Variants in TBC1D22B observed in about 807,000 individuals in gnomAD.
TBC1D22B encodes chromosome 6 open reading frame 197.
A neutral mutation model predicts 69.1 loss-of-function variants in TBC1D22B; 32 were observed. The observed-to-expected ratio is 0.46, with a 90% CI of 0.35 to 0.62. The LOEUF is 0.62. TBC1D22B is among the 20% of genes least tolerant of loss of function. The pLI, the probability that TBC1D22B is intolerant of heterozygous loss-of-function variation, is 0.00. For missense variants in TBC1D22B, 462 were observed against 630.9 expected (o/e 0.73, Z 2.87); for synonymous variants, 206 against 229.8 (o/e 0.90, Z 0.94).
Position 37,332,358 on chromosome 6 carries a change from C to T in TBC1D22B, c.*1186C>T, listed in dbSNP as rs1455178193. 3 of 152,574 alleles carry T rather than the reference C, an allele frequency of 2.0e-5. No individual in the cohort carries two copies. Among genetic ancestry groups the T allele is most frequent in the African/African-American group, 4.8e-5 (2 of 41,422 alleles). 9.5% of individuals were successfully genotyped at this position (152,574 alleles called of 1,614,324 possible). A position where few individuals can be genotyped will look rare whatever the true frequency, so the allele number is the denominator to read the frequency against. ...GACTGCAGAGGCGGGCAAGCCCTCTCTATGTGTTTTTATCCCCACCTTCCC... is the reference window on the plus strand; with the variant it reads ...GACTGCAGAGGCGGGCAAGCCCTCTTTATGTGTTTTTATCCCCACCTTCCC... On this transcript the variant is annotated 3_prime_UTR_variant, in exon 13 of 13. Transcript: ENST00000373491.
chr6:37,306,595 A>G (rs936406083), intron 8 of TBC1D22B, among the ~76,000 whole-genome samples: 1 of 152,250 alleles, frequency 6.6e-6, no homozygotes, highest in Non-Finnish European at 1.5e-5. Flanking sequence ...CAATGTCAGG[A>G]GGCTGACTTA....
In TBC1D22B at chr6:37,316,846, C is replaced by T. The variant is rs760943446; in HGVS notation, c.1293+16C>T. Reference sequence around the variant, plus strand: ...CACATATCAGGTAGGAGGGATTCCCCGGCCTCTCTGTGCCAGGCTGTCTCT... The same window carrying T: ...CACATATCAGGTAGGAGGGATTCCCTGGCCTCTCTGTGCCAGGCTGTCTCT... On this transcript the variant is annotated intron_variant, in intron 11 of 12. Coordinates refer to ENST00000373491, the MANE Select transcript of TBC1D22B (RefSeq NM_017772.4). 3.5e-5 allele frequency: 57 copies of T among 1,613,770 alleles called. No homozygotes were observed. The highest frequency in any genetic ancestry group is 4.4e-5 in the Non-Finnish European group (52 of 1,179,992).
Position 37,279,378 on chromosome 6 carries a change from C to T in TBC1D22B, c.188C>T (p.Ala63Val). Reference sequence around the variant, plus strand: ...AAGGCCTCCAGTTTTCATGAGTTTGCACGGAATACCAGTGATGCTTGGGAC... The same window carrying T: ...AAGGCCTCCAGTTTTCATGAGTTTGTACGGAATACCAGTGATGCTTGGGAC... ...NKKASSFHEFARNTSDAWDIG... is the reference protein window; with the variant it reads ...NKKASSFHEFVRNTSDAWDIG... Residue 63 changes from alanine to valine, a missense_variant, in exon 3 of 13, where the codon GCA (alanine) becomes GTA (valine). Around this residue, in one of 2 missense-constraint regions of TBC1D22B, gnomAD observed 237 missense variants for 255.4 expected, o/e 0.93. Transcript: ENST00000373491. 6.2e-7 allele frequency: 1 copy of T among 1,614,156 alleles called. No individual in the cohort carries two copies. The highest frequency in any genetic ancestry group is 8.5e-7 in the Non-Finnish European group (1 of 1,180,014).
At chr6:37,273,183 C>CAA (rs58720560) in intron 2 of TBC1D22B, among the ~76,000 whole-genome samples, 13 of 77,256 alleles carry the variant, frequency 1.7e-4, no homozygotes, top group African/African-American at 2.9e-4. Flanking sequence ...AACCCCGAGG[C>CAA]AAAAAAAAAA....
chr6:37,332,110 A>G lies in TBC1D22B; in HGVS notation c.*938A>G, dbSNP rs2113798920. The G allele has an allele frequency of 6.5e-6, 1 of 152,780 alleles. No homozygotes were observed. Among genetic ancestry groups the G allele is most frequent in the South Asian group, 2.1e-4 (1 of 4,826 alleles). The allele number at this position is 152,780 out of a possible 1,614,324, so 9.5% of individuals were successfully genotyped here. On this transcript the variant is annotated 3_prime_UTR_variant, in exon 13 of 13. Coordinates refer to ENST00000373491, the MANE Select transcript of TBC1D22B (RefSeq NM_017772.4). ...AAAGCAATCTAGGTCACTAGCACAG[A>G]GGAAGTTGCCAGGAAGGTGGCTTCA...
At chr6:37,326,048 C>G (rs977270093) in intron 12 of TBC1D22B, among the ~76,000 whole-genome samples, 2 of 152,008 alleles carry the variant, frequency 1.3e-5, no homozygotes, top group Non-Finnish European at 2.9e-5. Context: ...TCTGTTAAGA[C>G]TGGAAGAATT....
intron 1 of TBC1D22B, among the ~76,000 whole-genome samples, chr6:37,262,828 C>T (rs1310055079): frequency 2.0e-5 from 3 of 152,204 alleles, no homozygotes; most frequent in Non-Finnish European, 4.4e-5. Flanking sequence ...TTTATCAGTG[C>T]TAAACAAACA....
At chr6:37,272,248 A>G (rs1334502263) in intron 2 of TBC1D22B, among the ~76,000 whole-genome samples, 2 of 151,402 alleles carry the variant, frequency 1.3e-5, no homozygotes, top group African/African-American at 2.4e-5. Context: ...TACTTTTTGT[A>G]GAGACACGGT....
intron 8 of TBC1D22B, among the ~76,000 whole-genome samples, chr6:37,291,566 C>G (rs1266517594): frequency 2.6e-5 from 4 of 152,308 alleles, no homozygotes; most frequent in South Asian, 4.1e-4. Context: ...CTAAAAAGAC[C>G]TGCTTTGTCA....
intron 7 of TBC1D22B, among the ~76,000 whole-genome samples, chr6:37,289,912 T>C (rs79191755): frequency 6.6e-6 from 1 of 152,126 alleles, no homozygotes; most frequent in African/African-American, 2.4e-5. Flanking sequence ...AATGGGTAGG[T>C]CTAGTGAAGG....
chr6:37,285,315 C>CATT (rs1766969240), intron 6 of TBC1D22B, among the ~76,000 whole-genome samples: 3 of 73,552 alleles, frequency 4.1e-5, no homozygotes, highest in East Asian at 9.8e-4. Context: ...TCCTTCCCCA[C>CATT]TTTTTTTTTT....
chr6:37,283,987 C>T (rs1583543795), intron 5 of TBC1D22B, among the ~76,000 whole-genome samples: 1 of 152,360 alleles, frequency 6.6e-6, no homozygotes, highest in South Asian at 2.1e-4. Context: ...ACACACACAG[C>T]CCTCCGAGGC....
At chr6:37,326,012 A>C (rs940519834) in intron 12 of TBC1D22B, among the ~76,000 whole-genome samples, 9 of 151,994 alleles carry the variant, frequency 5.9e-5, no homozygotes, top group Non-Finnish European at 1.5e-5. Context: ...GCAGGGGTGG[A>C]ATTATTTGGA....
chr6:37,305,630 G>T (rs933624534), intron 8 of TBC1D22B, among the ~76,000 whole-genome samples: 40 of 151,354 alleles, frequency 2.6e-4, no homozygotes, highest in Non-Finnish European at 4.6e-4. Context: ...CCATTCTCCT[G>T]CCTCAGCCTC....
chr6:37,286,958 C>CA (rs1554184609), intron 6 of TBC1D22B, 49 bp from the exon 7 acceptor site: 1,901 of 1,517,484 alleles, frequency 1.3e-3, no homozygotes, highest in East Asian at 1.6e-3. Flanking sequence ...AAAACAAAAA[C>CA]AAAAAAAAAC....
chr6:37,270,206 CT>C (rs2113721833), intron 2 of TBC1D22B, among the ~76,000 whole-genome samples: 2 of 152,254 alleles, frequency 1.3e-5, no homozygotes, highest in East Asian at 3.9e-4. Flanking sequence ...AATCCCAGCA[CT>C]TTGGGAGGCT....
At chr6:37,280,637 G>C (rs1185500659) in intron 3 of TBC1D22B, among the ~76,000 whole-genome samples, 2 of 152,226 alleles carry the variant, frequency 1.3e-5, no homozygotes, top group African/African-American at 4.8e-5. Flanking sequence ...CCCCTACCGT[G>C]ATCCATGATG....
At chr6:37,327,556 A>C (rs1284294203) in intron 12 of TBC1D22B, among the ~76,000 whole-genome samples, 2 of 152,094 alleles carry the variant, frequency 1.3e-5, no homozygotes, top group Non-Finnish European at 2.9e-5. Flanking sequence ...CAAACAAAAA[A>C]AGCTTTGAGG....
intron 2 of TBC1D22B, among the ~76,000 whole-genome samples, chr6:37,277,008 AT>A (rs1766690986): frequency 6.6e-6 from 1 of 152,058 alleles, no homozygotes; most frequent in Non-Finnish European, 1.5e-5. Context: ...AACGGCCTTC[AT>A]TTTTCTCAGA....
Sources: gnomAD v4.1 joint callset for allele counts (sites outside exome capture counted in the v4.1 genomes callset) on GRCh38, gnomAD v4.1.1 for gene constraint, gnomAD v4.1.1 regional missense constraint, MANE v1.5 for transcripts, NCBI Gene and HGNC (gene_info 2026-07-23, HGNC 2026-07-21) for gene names.